WEE2: variants seen among roughly 807,000 people sequenced by gnomAD.
The protein encoded by WEE2 is wee1-like protein kinase 2.
WEE2 carries 50 observed loss-of-function variants against 60.1 expected under a neutral mutation model. The observed-to-expected ratio is 0.83, with a 90% CI of 0.66 to 1.05. The LOEUF is 1.05. Ranked by LOEUF, WEE2 falls within the 50% of genes least tolerant of loss-of-function variation. The pLI is 0.00. For missense variants in WEE2, 631 were observed against 684.3 expected (o/e 0.92, Z 0.87); for synonymous variants, 240 against 241.0 (o/e 1.00, Z 0.04).
At position 141,711,602 on chromosome 7, in the gene WEE2, G is replaced by T. The variant is rs1280616031; in HGVS notation, c.342+2502G>T. On this transcript the variant is annotated intron_variant, in intron 1 of 11. Transcript: ENST00000397541. The surrounding 1 kb of genome is among the most constrained non-coding windows in gnomAD (Gnocchi z 4.2). ...AGAGATAGAAGAGCATGCTTAGGAG[G>T]TGTAAGCTCCCTGTGGCTAAAAGCA... Among the ~76,000 whole-genome samples the T allele has an allele frequency of 6.6e-6, 1 of 152,192 alleles. No individual in the cohort carries two copies. The highest frequency in any genetic ancestry group is 2.4e-5 in the African/African-American group (1 of 41,448).
chr7:141,725,571 G>C (rs1799000044), intron 9 of WEE2, among the ~76,000 whole-genome samples: 1 of 146,294 alleles, frequency 6.8e-6, no homozygotes, highest in African/African-American at 2.6e-5. Flanking sequence ...CTTGCAGTGA[G>C]CCAAGACCGT....
In WEE2 at chr7:141,708,890, T is replaced by A. The variant is rs1406518392; in HGVS notation, c.132T>A (p.Gly44=). 2.5e-6 allele frequency: 4 copies of A among 1,613,640 alleles called. No homozygotes were observed. The Admixed American group carries it at 6.7e-5, about 27-fold the overall frequency. ...REASSQTPEK[G]EVQDSEAKGT... ...CTTCGAGCCAAACCCCAGAGAAGGG[T>A]GAAGTGCAGGATTCAGAGGCAAAGG... Residue 44 remains glycine (G), a synonymous_variant, in exon 1 of 12, where the codon GGT becomes GGA. Coordinates refer to ENST00000397541, the MANE Select transcript of WEE2 (RefSeq NM_001105558.1).
chr7:141,709,141 G>C (rs1798671317), intron 1 of WEE2, 41 bp downstream of exon 1: 1 of 1,561,320 alleles, frequency 6.4e-7, no homozygotes, highest in South Asian at 1.2e-5. Context: ...AGGTCGCCAA[G>C]CTCTGCTTTC....
chr7:141,715,219 C>A (rs995587307), intron 2 of WEE2, among the ~76,000 whole-genome samples: 21 of 152,134 alleles, frequency 1.4e-4, no homozygotes, highest in African/African-American at 5.1e-4. Flanking sequence ...GACTTCAGCA[C>A]AAGTCCACCC....
At chr7:141,720,600 C>T (rs1352885134) in intron 4 of WEE2, among the ~76,000 whole-genome samples, 1 of 152,066 alleles carries the variant, frequency 6.6e-6, no homozygotes, top group East Asian at 1.9e-4. Flanking sequence ...TGCACATCTG[C>T]CATTGAGGCA....
At chr7:141,714,450 C>CTTGACTGT in intron 2 of WEE2, 45 bp downstream of exon 2, 1 of 1,429,642 alleles carries the variant, frequency 7.0e-7, no homozygotes, top group Non-Finnish European at 9.6e-7. Flanking sequence ...GACCCTACTA[C>CTTGACTGT]AGTCAAGTAG....
Position 141,725,054 on chromosome 7 carries a change from T to C in WEE2, c.1250T>C (p.Ile417Thr), listed in dbSNP as rs746796839. ...EDYRHLPKADIFALGLTIAVA... is the reference protein window; with the variant it reads ...EDYRHLPKADTFALGLTIAVA... ...TACCGGCACCTTCCCAAAGCAGACA[T>C]ATTTGCCTTGGGATTAACAATTGCA... The change falls in exon 9 of 12, where the codon ATA becomes ACA. Residue 417 changes from isoleucine (I) to threonine (T), a missense_variant. Ile to Thr is a moderately conservative substitution (Grantham distance 89). Coordinates refer to ENST00000397541, the MANE Select transcript of WEE2 (RefSeq NM_001105558.1). The C allele has an allele frequency of 9.7e-5, 156 of 1,613,984 alleles. 1 individual carries two copies. Among genetic ancestry groups the C allele is most frequent in the Middle Eastern group, 4.9e-4 (3 of 6,084 alleles).
chr7:141,708,991 A>G lies in WEE2; in HGVS notation c.233A>G (p.Asp78Gly). 6.2e-7 allele frequency: 1 copy of G among 1,614,126 alleles called. No individual in the cohort carries two copies. The highest frequency in any genetic ancestry group is 8.5e-7 in the Non-Finnish European group (1 of 1,180,016). The change falls in exon 1 of 12, where the codon GAT becomes GGT. Residue 78 changes from aspartate to glycine, a missense_variant. Physicochemically the swap from Asp to Gly is moderately conservative, Grantham distance 94. Coordinates refer to ENST00000397541, the MANE Select transcript of WEE2 (RefSeq NM_001105558.1). ...TCGGAAAAAGACAAAGAAAGTCCAG[A>G]TCAGATTTTGAGGACTCCAGTGTCA... ...TSSEKDKESP[D>G]QILRTPVSHP...
At chr7:141,730,007 A>C (rs912340977) in intron 11 of WEE2, among the ~76,000 whole-genome samples, 2 of 151,780 alleles carry the variant, frequency 1.3e-5, no homozygotes, top group Non-Finnish European at 2.9e-5. Context: ...AAAAAAAAAA[A>C]AAACTCATTC....
At chr7:141,712,792 T>C (rs1258055887) in intron 1 of WEE2, among the ~76,000 whole-genome samples, 1 of 152,214 alleles carries the variant, frequency 6.6e-6, no homozygotes, top group Non-Finnish European at 1.5e-5. Context: ...CTGTTTCATA[T>C]GTAATAGATG....
At chr7:141,727,277 T>C in intron 9 of WEE2, 27 bp from the exon 10 acceptor site, 3 of 1,588,842 alleles carry the variant, frequency 1.9e-6, no homozygotes, top group Non-Finnish European at 2.6e-6. Flanking sequence ...AGCTTCTGTT[T>C]CTTTCCTCTT....
rs1798655372 is a variant in WEE2, at chr7:141,708,479, A to G, written c.-280A>G. 1 of 453,104 alleles carries G rather than the reference A, an allele frequency of 2.2e-6. No homozygotes were observed. Among genetic ancestry groups the G allele is most frequent in the Non-Finnish European group, 3.9e-6 (1 of 254,764 alleles). 28.1% of individuals were successfully genotyped at this position (453,104 alleles called of 1,614,324 possible). On this transcript the variant is annotated 5_prime_UTR_variant, in exon 1 of 12. Coordinates refer to ENST00000397541, the MANE Select transcript of WEE2 (RefSeq NM_001105558.1). ...ACATGGGAGACTATGTGTCATATCCAGAAGAGTTCTGTACATGAACTGCAT... is the reference window on the plus strand; with the variant it reads ...ACATGGGAGACTATGTGTCATATCCGGAAGAGTTCTGTACATGAACTGCAT...
intron 8 of WEE2, 89 bp downstream of exon 8, chr7:141,724,364 T>C (rs1798974233): frequency 5.3e-6 from 6 of 1,133,450 alleles, no homozygotes; most frequent in South Asian, 1.4e-5. Flanking sequence ...ATTAAAACTG[T>C]ATATTTATCA....
intron 1 of WEE2, among the ~76,000 whole-genome samples, chr7:141,710,364 G>A (rs1389305393): frequency 6.6e-6 from 1 of 152,164 alleles, no homozygotes; most frequent in Non-Finnish European, 1.5e-5. Flanking sequence ...GGGGGAGAAT[G>A]GGCTGAGAGA....
intron 6 of WEE2, 142 bp from the exon 7 acceptor site, chr7:141,723,799 A>G (rs1798962941): frequency 1.7e-6 from 1 of 582,504 alleles, no homozygotes. Flanking sequence ...GTGAGATTTC[A>G]TACAAAAAAA....
intron 1 of WEE2, among the ~76,000 whole-genome samples, chr7:141,712,885 C>G (rs765099844): frequency 2.0e-5 from 3 of 152,110 alleles, no homozygotes; most frequent in Non-Finnish European, 4.4e-5. Flanking sequence ...GTTCATTTTG[C>G]AAATCACATT....
Position 141,719,117 on chromosome 7 carries a change from G to C in WEE2, c.631G>C (p.Glu211Gln). ...CAACATGGCTTCCCGCTATGAAAAAGAATTCTTGGAGGTTGAAAAAATTGG... is the reference window on the plus strand; with the variant it reads ...CAACATGGCTTCCCGCTATGAAAAACAATTCTTGGAGGTTGAAAAAATTGG... ...ETNMASRYEK[E>Q]FLEVEKIGVG... is the part of the protein sequence containing the mutation. Residue 211 changes from glutamate (E) to glutamine (Q), a missense_variant, in exon 4 of 12, where the codon GAA (glutamate) becomes CAA (glutamine). Glu to Gln is a conservative substitution (Grantham distance 29, BLOSUM62 2). Transcript: ENST00000397541. The C allele has an allele frequency of 6.2e-7, 1 of 1,614,014 alleles. No homozygotes were observed. Among genetic ancestry groups the C allele is most frequent in the Non-Finnish European group, 8.5e-7 (1 of 1,179,970 alleles).
chr7:141,727,286 T>C lies in WEE2; in HGVS notation c.1393-18T>C. 1 of 1,600,000 alleles carries C rather than the reference T, an allele frequency of 6.3e-7. No homozygotes were observed. Among genetic ancestry groups the C allele is most frequent in the Admixed American group, 1.8e-5 (1 of 56,294 alleles). The stretch of plus-strand genomic sequence containing the variant: ...TAGTGAAGCTTCTGTTTCTTTCCTC[T>C]TGGTCCTATATCATCAGAACATGAT... On this transcript the variant is annotated intron_variant, in intron 9 of 11. Transcript: ENST00000397541.
At chr7:141,726,209 G>T (rs1368232944) in intron 9 of WEE2, among the ~76,000 whole-genome samples, 2 of 152,186 alleles carry the variant, frequency 1.3e-5, no homozygotes, top group Non-Finnish European at 2.9e-5. Context: ...TAAGGAACAG[G>T]ATTGGCTAGG....
Sources: allele counts gnomAD v4.1 joint callset (sites outside exome capture counted in the v4.1 genomes callset), GRCh38; gene constraint gnomAD v4.1.1; non-coding constraint Gnocchi (gnomAD v3.1); transcripts MANE v1.5; gene names NCBI Gene and HGNC (gene_info 2026-07-23, HGNC 2026-07-21).